AHRR: variants seen among roughly 807,000 people sequenced by gnomAD.
The protein encoded by AHRR is ahR repressor.
A neutral mutation model predicts 44.0 loss-of-function variants in AHRR; 28 were observed. That is an observed-to-expected ratio of 0.64 (90% confidence interval 0.47 to 0.87). The LOEUF (loss-of-function observed/expected upper bound fraction) is 0.87. Among genes scored for constraint, AHRR ranks in the 40% least tolerant of loss-of-function variants. AHRR has a pLI of 0.00. For synonymous variants in AHRR, 434 were observed against 407.0 expected (o/e 1.07, Z -0.80); for missense variants, 990 against 953.9 (o/e 1.04, Z -0.50).
At chr5:425,221 G>A (rs529969385) in intron 7 of AHRR, among the ~76,000 whole-genome samples, 1 of 152,264 alleles carries the variant, frequency 6.6e-6, no homozygotes, top group African/African-American at 2.4e-5. Flanking sequence ...TGGGTGCCTG[G>A]TGGAAGGACC....
intron 4 of AHRR, chr5:403,682 A>ATT (rs70955242): frequency 0.3 from 169,398 of 573,604 alleles, 12,645 homozygotes; most frequent in South Asian, 0.34. Flanking sequence ...TTAAAATGGT[A>ATT]TTTTTTTTTT....
chr5:378,027 T>A (rs1579641911), intron 4 of AHRR, among the ~76,000 whole-genome samples: 1 of 152,322 alleles, frequency 6.6e-6, no homozygotes, highest in African/African-American at 2.4e-5. Flanking sequence ...GTCCACTGCA[T>A]CTGGTTCATG....
chr5:336,069 G>C (rs140682496), intron 1 of AHRR, among the ~76,000 whole-genome samples: 1 of 152,346 alleles, frequency 6.6e-6, no homozygotes, highest in African/African-American at 2.4e-5. Flanking sequence ...ATGGAGAATG[G>C]TGTCTTGCTC....
chr5:352,736 G>C (rs1378610010), intron 2 of AHRR, among the ~76,000 whole-genome samples: 61 of 134,494 alleles, frequency 4.5e-4, no homozygotes, highest in African/African-American at 1.4e-3. Flanking sequence ...GATGGTCACT[G>C]TGAGGTTAAA....
rs565305865 is a variant in AHRR, at chr5:354,007, T to G, written c.244+96T>G. On this transcript the variant is annotated intron_variant, in intron 3 of 10. Coordinates refer to ENST00000684583, the MANE Select transcript of AHRR (RefSeq NM_001377236.1). ...TTGTGGCCAGGTGAAGTGTGTCTGG[T>G]GGGTTGCACCATGTGCACTCCCTTC... 3.3e-5 allele frequency: 44 copies of G among 1,347,600 alleles called. No homozygotes were observed. The Middle Eastern group carries it at 6.9e-4, about 21-fold the overall frequency. The allele number at this position is 1,347,600 out of a possible 1,614,324, so 83.5% of individuals were successfully genotyped here.
chr5:415,073 G>A lies in AHRR; in HGVS notation c.441+1640G>A, dbSNP rs140399313. Reference sequence around the variant, plus strand: ...GGGGCAGTGGAGAAGTTCCCAAGACGTTCAGGCCAGGGCTGGTAGGAAACC... The same window carrying A: ...GGGGCAGTGGAGAAGTTCCCAAGACATTCAGGCCAGGGCTGGTAGGAAACC... On this transcript the variant is annotated intron_variant, in intron 5 of 10. Coordinates refer to ENST00000684583, the MANE Select transcript of AHRR (RefSeq NM_001377236.1). 2.5e-4 allele frequency among the ~76,000 whole-genome samples: 38 copies of A among 152,360 alleles called. No homozygotes were observed. The East Asian group carries it at 4.0e-3, about 16-fold the overall frequency.
At chr5:421,350 A>G (rs765273453) in intron 5 of AHRR, 10 of 684,808 alleles carry the variant, frequency 1.5e-5, no homozygotes, top group South Asian at 1.4e-4. Flanking sequence ...GGTGGGTATC[A>G]TCCCTCCACG....
intron 2 of AHRR, among the ~76,000 whole-genome samples, chr5:351,219 A>G (rs1742847616): frequency 6.6e-6 from 1 of 152,234 alleles, no homozygotes. Flanking sequence ...ATGAAACAGA[A>G]TTAACATATG....
chr5:431,756 T>C (rs1736744937), intron 8 of AHRR, among the ~76,000 whole-genome samples: 1 of 152,190 alleles, frequency 6.6e-6, no homozygotes, highest in Non-Finnish European at 1.5e-5. Context: ...CATAATTCAC[T>C]GGGACCCCCA....
At chr5:327,383 C>G (rs1487632623) in intron 1 of AHRR, among the ~76,000 whole-genome samples, 2 of 152,170 alleles carry the variant, frequency 1.3e-5, no homozygotes. Flanking sequence ...CCTTGTCACC[C>G]CCTCACCCTT....
rs1340950377 is a variant in AHRR at position 397,913 on chromosome 5, G to T, written c.352-15431G>T. 7.5e-5 allele frequency among the ~76,000 whole-genome samples: 8 copies of T among 106,152 alleles called. 1 individual carries two copies. In the Admixed American group the frequency reaches 8.2e-4, roughly 11 times the overall value. The allele number at this position is 106,152 out of a possible 152,430, so 69.6% of individuals were successfully genotyped here. On this transcript the variant is annotated intron_variant, in intron 4 of 10. Coordinates refer to ENST00000684583, the MANE Select transcript of AHRR (RefSeq NM_001377236.1). ...ACGTAGCTCCTGACCATCCATGTTA[G>T]CCCCTGACCATCCACGTAGCCCCTG... is the stretch of plus-strand genomic sequence containing the variant.
At chr5:371,613 C>T (rs1743583897) in intron 3 of AHRR, among the ~76,000 whole-genome samples, 1 of 152,166 alleles carries the variant, frequency 6.6e-6, no homozygotes, top group Non-Finnish European at 1.5e-5. Flanking sequence ...CTGTCCTAGA[C>T]CCACCTGTCC....
At chr5:377,477 G>T (rs539317461) in intron 4 of AHRR, among the ~76,000 whole-genome samples, 1 of 152,134 alleles carries the variant, frequency 6.6e-6, no homozygotes, top group East Asian at 1.9e-4. Flanking sequence ...AACAGGGTGG[G>T]CTCCAGCCGG....
chr5:368,021 G>A (rs1468449584), intron 3 of AHRR: 1 of 683,972 alleles, frequency 1.5e-6, no homozygotes, highest in Non-Finnish European at 2.7e-6. Flanking sequence ...GTGATTCACA[G>A]GCAGGCCAGC....
chr5:403,988 T>C (rs568776720), intron 4 of AHRR: 1 of 1,132,594 alleles, frequency 8.8e-7, no homozygotes. Flanking sequence ...TCTGCTTTCT[T>C]TACAGTAATT....
chr5:385,197 CAG>C (rs962750415), intron 4 of AHRR, among the ~76,000 whole-genome samples: 4 of 151,378 alleles, frequency 2.6e-5, no homozygotes, highest in African/African-American at 9.7e-5. Context: ...TCTTTTGAGA[CAG>C]GGTCTCAACC....
At chr5:407,914 A>G (rs1735332069) in intron 4 of AHRR, among the ~76,000 whole-genome samples, 2 of 152,128 alleles carry the variant, frequency 1.3e-5, no homozygotes, top group Admixed American at 1.3e-4. Flanking sequence ...AGAGAGTTTC[A>G]CTTTTCCCCA....
intron 5 of AHRR, among the ~76,000 whole-genome samples, chr5:420,328 C>A (rs984135099): frequency 6.6e-6 from 1 of 152,208 alleles, no homozygotes; most frequent in Non-Finnish European, 1.5e-5. Flanking sequence ...CAGAGCCCAA[C>A]GAAGACAATC....
intron 1 of AHRR, among the ~76,000 whole-genome samples, chr5:329,959 C>G (rs1049043099): frequency 3.3e-5 from 5 of 152,108 alleles, no homozygotes; most frequent in Admixed American, 3.3e-4. Context: ...CTTTTATGTA[C>G]TTTCTCCTGC....
Sources: gnomAD v4.1 joint callset for allele counts (sites outside exome capture counted in the v4.1 genomes callset) on GRCh38, gnomAD v4.1.1 for gene constraint, MANE v1.5 for transcripts, NCBI Gene and HGNC (gene_info 2026-07-23, HGNC 2026-07-21) for gene names.